FAM114A2: variants seen among roughly 807,000 people sequenced by gnomAD.
FAM114A2 encodes the protein protein FAM114A2.
In FAM114A2, 53 loss-of-function variants were observed where a neutral mutation model predicts 58.4. The observed-to-expected ratio is 0.91, with a 90% CI of 0.73 to 1.14. FAM114A2 has a LOEUF of 1.14. Among genes scored for constraint, FAM114A2 ranks in the 50% most tolerant of loss-of-function variants. The probability of loss-of-function intolerance (pLI) is 0.00; values close to 1 mark genes in which losing one functional copy is unlikely to be tolerated. For synonymous variants in FAM114A2, 228 were observed against 211.4 expected, an observed-to-expected ratio of 1.08 and a Z score of -0.68; for missense variants, 601 against 581.1, an observed-to-expected ratio of 1.03 and a Z score of -0.35.
intron 4 of FAM114A2, among the ~76,000 whole-genome samples, chr5:154,030,051 T>C (rs913279773): frequency 1.2e-4 from 18 of 152,206 alleles, no homozygotes; most frequent in African/African-American, 4.3e-4. Flanking sequence ...TAGAATGTTT[T>C]CTATATCTGT....
chr5:154,018,930 T>A (rs915371496), intron 8 of FAM114A2, among the ~76,000 whole-genome samples: 3 of 152,172 alleles, frequency 2.0e-5, no homozygotes, highest in African/African-American at 7.2e-5. Context: ...AAGCCATCTA[T>A]GACAAACCCA....
chr5:154,015,404 C>T (rs1455470679), intron 8 of FAM114A2, among the ~76,000 whole-genome samples: 5 of 152,096 alleles, frequency 3.3e-5, no homozygotes, highest in South Asian at 2.1e-4. Context: ...AAAACAGGTG[C>T]GGGTATCCAC....
At chr5:153,996,991 T>TAAA (rs57110256) in intron 12 of FAM114A2, among the ~76,000 whole-genome samples, 3 of 121,300 alleles carry the variant, frequency 2.5e-5, no homozygotes, top group African/African-American at 3.1e-5. Flanking sequence ...GAGCAAAACT[T>TAAA]AAAAAAAAAA....
intron 8 of FAM114A2, among the ~76,000 whole-genome samples, chr5:154,012,988 T>G (rs568523779): frequency 9.2e-4 from 139 of 151,492 alleles, no homozygotes; most frequent in South Asian, 5.6e-3. Context: ...ATTATGGTAG[T>G]ACATATAATT....
At chr5:153,996,012 A>G (rs6882924) in intron 12 of FAM114A2, among the ~76,000 whole-genome samples, 129,742 of 152,074 alleles carry the variant, frequency 0.85, 55,614 homozygotes, top group East Asian at 1. Context: ...AAACAGAAGA[A>G]AACAAAAATT....
At chr5:153,993,588 T>C (rs1481794216) in intron 13 of FAM114A2, among the ~76,000 whole-genome samples, 3 of 152,184 alleles carry the variant, frequency 2.0e-5, no homozygotes, top group Admixed American at 1.3e-4. Flanking sequence ...TTCACACATA[T>C]ACTGCTTTCA....
intron 8 of FAM114A2, among the ~76,000 whole-genome samples, chr5:154,015,112 C>T (rs187984558): frequency 2.6e-5 from 4 of 152,264 alleles, no homozygotes; most frequent in Admixed American, 2.6e-4. Flanking sequence ...TGGACCTCAT[C>T]CCCATTCCCC....
At chr5:154,026,372 C>T (rs1443739685) in intron 8 of FAM114A2, 27 bp downstream of exon 8, 3 of 1,517,598 alleles carry the variant, frequency 2.0e-6, no homozygotes, top group Non-Finnish European at 2.6e-6. Flanking sequence ...GCATCCTCTC[C>T]ACTCAGATAC....
At chr5:154,027,399 T>C (rs936052048) in intron 6 of FAM114A2, 65 bp from the exon 7 acceptor site, 32 of 1,407,722 alleles carry the variant, frequency 2.3e-5, no homozygotes, top group South Asian at 1.2e-4. Flanking sequence ...GTTCTGAGAA[T>C]TGAAGGAAGC....
chr5:154,014,256 A>G (rs1386512537), intron 8 of FAM114A2, among the ~76,000 whole-genome samples: 1 of 152,238 alleles, frequency 6.6e-6, no homozygotes, highest in African/African-American at 2.4e-5. Flanking sequence ...TGGAAACAAA[A>G]AAGAAAAAGT....
intron 8 of FAM114A2, among the ~76,000 whole-genome samples, chr5:154,015,571 G>A (rs1770985945): frequency 6.6e-6 from 1 of 152,088 alleles, no homozygotes; most frequent in Non-Finnish European, 1.5e-5. Flanking sequence ...AGGAAAAGGG[G>A]GAAGGGTGCT....
At position 153,993,035 on chromosome 5, in the gene FAM114A2, T is replaced by A. The variant is rs749424650; in HGVS notation, c.1459A>T (p.Asn487Tyr). The change falls in exon 14 of 14, where the codon AAC becomes TAC. Residue 487 changes from asparagine (N) to tyrosine (Y), a missense_variant. Asn to Tyr is a moderately radical substitution (Grantham distance 143). Coordinates refer to ENST00000351797, the MANE Select transcript of FAM114A2 (RefSeq NM_018691.4). The stretch of plus-strand genomic sequence containing the variant: ...TCATGTCTGTGTGATTCAATCTTGT[T>A]CTCAATGAGAGAGATCTCTAGCACA... The part of the protein sequence containing the change: ...LPVLEISLIE[N>Y]KIESHRHELQ... 3 of 1,613,466 alleles carry A rather than the reference T, an allele frequency of 1.9e-6. No homozygotes were observed. In the African/African-American group the frequency reaches 4.0e-5, roughly 22 times the overall value.
intron 11 of FAM114A2, among the ~76,000 whole-genome samples, chr5:154,000,987 T>C (rs1228779430): frequency 6.6e-6 from 1 of 152,218 alleles, no homozygotes; most frequent in Non-Finnish European, 1.5e-5. Context: ...TTCTAATTTT[T>C]ACAACAACTC....
Position 153,990,423 on chromosome 5 carries a change from T to A in FAM114A2, c.*2553A>T, listed in dbSNP as rs1184106313. The A allele has an allele frequency of 6.6e-6, 1 of 152,018 alleles. No homozygotes were observed. Among genetic ancestry groups the A allele is most frequent in the East Asian group, 1.9e-4 (1 of 5,184 alleles). The allele number at this position is 152,018 out of a possible 1,614,324, so 9.4% of individuals were successfully genotyped here. ...CACATTTGTACACCTAGCACTGATT[T>A]CAGATTCATAGTAATGCCATCTATA... is the stretch of plus-strand genomic sequence containing the variant. On this transcript the variant is annotated 3_prime_UTR_variant, in exon 14 of 14. Transcript: ENST00000351797.
chr5:154,020,449 AATG>A (rs1213817414), intron 8 of FAM114A2, among the ~76,000 whole-genome samples: 1 of 152,218 alleles, frequency 6.6e-6, no homozygotes, highest in Non-Finnish European at 1.5e-5. Context: ...GCAATAAAAA[AATG>A]ATGAAGAGTA....
At chr5:153,993,484 C>T (rs1041702264) in intron 13 of FAM114A2, among the ~76,000 whole-genome samples, 5 of 152,182 alleles carry the variant, frequency 3.3e-5, no homozygotes, top group African/African-American at 1.2e-4. Context: ...ATAAATCCTA[C>T]ACCTATAGAA....
intron 8 of FAM114A2, among the ~76,000 whole-genome samples, chr5:154,017,400 C>T (rs547996104): frequency 6.6e-6 from 1 of 152,322 alleles, no homozygotes; most frequent in Non-Finnish European, 1.5e-5. Flanking sequence ...CGAGATCGTG[C>T]CATTGCACTC....
chr5:154,033,262 A>G (rs1772314869), intron 4 of FAM114A2, among the ~76,000 whole-genome samples: 1 of 152,132 alleles, frequency 6.6e-6, no homozygotes, highest in Non-Finnish European at 1.5e-5. Flanking sequence ...AAAGATTCCT[A>G]TTTTCTGGTC....
At chr5:153,996,959 T>C (rs1276707836) in intron 12 of FAM114A2, among the ~76,000 whole-genome samples, 1 of 146,092 alleles carries the variant, frequency 6.8e-6, no homozygotes, top group Non-Finnish European at 1.5e-5. Context: ...ATCATGCCAT[T>C]GCACTCCAGC....
Sources: allele counts gnomAD v4.1 joint callset (sites outside exome capture counted in the v4.1 genomes callset), GRCh38; gene constraint gnomAD v4.1.1; transcripts MANE v1.5; gene names NCBI Gene and HGNC (gene_info 2026-07-23, HGNC 2026-07-21).